Variants in GABRB1 observed in about 807,000 individuals in gnomAD.
GABRB1 encodes the protein gamma-aminobutyric acid receptor subunit beta-1.
A neutral mutation model predicts 51.6 loss-of-function variants in GABRB1; 17 were observed. The observed-to-expected ratio is 0.33, with a 90% CI of 0.23 to 0.49. GABRB1 has a LOEUF of 0.49. Among genes scored for constraint, GABRB1 ranks in the 20% least tolerant of loss-of-function variants. GABRB1 has a pLI of 0.99. For missense variants in GABRB1, 410 were observed against 600.6 expected, an observed-to-expected ratio of 0.68 and a Z score of 3.32; for synonymous variants, 247 against 218.9, an observed-to-expected ratio of 1.13 and a Z score of -1.14.
intron 4 of GABRB1, among the ~76,000 whole-genome samples, chr4:47,226,962 A>C (rs1720964187): frequency 6.6e-6 from 1 of 152,226 alleles, no homozygotes; most frequent in South Asian, 2.1e-4. Context: ...TGTCATAAAA[A>C]TATTGAGGCA....
At chr4:47,394,725 A>G (rs1308926907) in intron 5 of GABRB1, among the ~76,000 whole-genome samples, 1 of 151,580 alleles carries the variant, frequency 6.6e-6, no homozygotes, top group Non-Finnish European at 1.5e-5. Flanking sequence ...GGCATTTTTC[A>G]TCACATTAAA....
At position 47,425,702 on chromosome 4, in the gene GABRB1, G is replaced by A. The variant is rs750124014; in HGVS notation, c.1109G>A (p.Ser370Asn). ...QVDAHGNILL[S>N]TLEIRNETSG... ...GACGCCCACGGTAACATTCTCCTCA[G>A]CACCCTGGAAATCCGGAATGAGACG... The change falls in exon 9 of 9, where the codon AGC becomes AAC. Residue 370 changes from serine to asparagine, a missense_variant. This residue lies in a region of GABRB1 where 181 missense variants were observed against 195.6 expected (regional missense o/e 0.93). Transcript: ENST00000295454. The A allele has an allele frequency of 4.3e-6, 7 of 1,612,746 alleles. No individual in the cohort carries two copies. In the South Asian group the frequency reaches 6.6e-5, roughly 15 times the overall value.
chr4:47,031,390 C>A, upstream of GABRB1: 1 of 522,030 alleles, frequency 1.9e-6, no homozygotes, highest in Non-Finnish European at 3.4e-6. Context: ...TTTACACATG[C>A]TCGTAGGATC....
At chr4:47,190,947 A>T (rs530313109) in intron 4 of GABRB1, among the ~76,000 whole-genome samples, 2 of 152,176 alleles carry the variant, frequency 1.3e-5, no homozygotes, top group East Asian at 3.9e-4. Flanking sequence ...TAACTTGTAC[A>T]TGTAATTTTT....
intron 5 of GABRB1, among the ~76,000 whole-genome samples, chr4:47,347,082 G>A (rs2109993490): frequency 1.3e-5 from 2 of 152,150 alleles, no homozygotes; most frequent in Admixed American, 1.3e-4. Context: ...AGGAGTTCGT[G>A]ACCAGCCTGG....
intron 1 of GABRB1, among the ~76,000 whole-genome samples, chr4:47,018,423 A>G (rs957275323): frequency 6.6e-6 from 1 of 152,196 alleles, no homozygotes; most frequent in African/African-American, 2.4e-5. Context: ...TCTGCTTCTT[A>G]GTAGTAAGAC....
chr4:47,223,085 C>G (rs964027024), intron 4 of GABRB1, among the ~76,000 whole-genome samples: 1 of 152,040 alleles, frequency 6.6e-6, no homozygotes, highest in South Asian at 2.1e-4. Flanking sequence ...TACCACCTAC[C>G]GGGAACATTT....
At chr4:47,412,471 A>G (rs1728789720) in intron 8 of GABRB1, among the ~76,000 whole-genome samples, 2 of 152,168 alleles carry the variant, frequency 1.3e-5, no homozygotes, top group African/African-American at 4.8e-5. Flanking sequence ...TATCATTTTT[A>G]TTTTCAAAAA....
In GABRB1 at chr4:47,167,700, C is replaced by T. The variant is rs534825487; in HGVS notation, c.461+6231C>T. On this transcript the variant is annotated intron_variant, in intron 4 of 8. Transcript: ENST00000295454. Reference sequence around the variant, plus strand: ...CTAGGTCATAAGGGCTCCATCCTTGCAAATGGACTAAAGCTTTTCATGGGA... The same window carrying T: ...CTAGGTCATAAGGGCTCCATCCTTGTAAATGGACTAAAGCTTTTCATGGGA... Among the ~76,000 whole-genome samples, 6 of 152,232 alleles carry T rather than the reference C, an allele frequency of 3.9e-5. No individual in the cohort carries two copies. In the South Asian group the frequency reaches 6.2e-4, roughly 16 times the overall value.
At chr4:47,074,482 T>C (rs1727468858) in intron 3 of GABRB1, among the ~76,000 whole-genome samples, 1 of 152,202 alleles carries the variant, frequency 6.6e-6, no homozygotes, top group African/African-American at 2.4e-5. Flanking sequence ...GACATTTTAA[T>C]CTATAAAATG....
intron 1 of GABRB1, among the ~76,000 whole-genome samples, chr4:47,016,547 T>C (rs1193516577): frequency 1.3e-4 from 20 of 151,828 alleles, no homozygotes; most frequent in Admixed American, 1.3e-3. Context: ...TGACAAAATT[T>C]CTATCTGTGC....
At chr4:47,147,626 C>T (rs918980160) in intron 3 of GABRB1, among the ~76,000 whole-genome samples, 6 of 152,208 alleles carry the variant, frequency 3.9e-5, no homozygotes, top group East Asian at 1.9e-4. Flanking sequence ...GGGAGCACGT[C>T]GGAAGGGCCA....
At chr4:47,165,838 G>A (rs1459967346) in intron 4 of GABRB1, among the ~76,000 whole-genome samples, 4 of 151,966 alleles carry the variant, frequency 2.6e-5, no homozygotes, top group Admixed American at 6.6e-5. Flanking sequence ...AAACTGGGCC[G>A]TCCTCCTTTC....
chr4:47,359,668 T>A (rs1274334658), intron 5 of GABRB1, among the ~76,000 whole-genome samples: 2 of 152,142 alleles, frequency 1.3e-5, no homozygotes, highest in African/African-American at 4.8e-5. Flanking sequence ...TTCAATCCTT[T>A]ACTGTTTACT....
chr4:47,119,335 G>T (rs1166563919), intron 3 of GABRB1, among the ~76,000 whole-genome samples: 2 of 151,808 alleles, frequency 1.3e-5, no homozygotes, highest in African/African-American at 4.8e-5. Context: ...GAAAATAGGG[G>T]CAAATTTATG....
chr4:47,359,845 T>C (rs1462100589), intron 5 of GABRB1, among the ~76,000 whole-genome samples: 1 of 152,072 alleles, frequency 6.6e-6, no homozygotes, highest in Non-Finnish European at 1.5e-5. Context: ...GTCAAAAGAC[T>C]CTAACATGAA....
chr4:47,336,520 C>T (rs184628011), intron 5 of GABRB1, among the ~76,000 whole-genome samples: 45 of 152,274 alleles, frequency 3.0e-4, no homozygotes, highest in African/African-American at 7.7e-4. Context: ...GTGGCAATAG[C>T]TAACTTGCCT....
chr4:47,040,416 C>A (rs1205445927), intron 3 of GABRB1, among the ~76,000 whole-genome samples: 1 of 151,982 alleles, frequency 6.6e-6, no homozygotes, highest in Non-Finnish European at 1.5e-5. Context: ...TATTCAGAAG[C>A]AAATCAGAGG....
intron 8 of GABRB1, among the ~76,000 whole-genome samples, chr4:47,409,206 C>T (rs774874023): frequency 2.6e-5 from 4 of 152,166 alleles, no homozygotes; most frequent in Non-Finnish European, 5.9e-5. Flanking sequence ...TGTTACAGTG[C>T]TCCTTTAGCT....
Sources: allele counts gnomAD v4.1 joint callset (sites outside exome capture counted in the v4.1 genomes callset), GRCh38; gene constraint gnomAD v4.1.1; regional missense constraint gnomAD v4.1.1; transcripts MANE v1.5; gene names NCBI Gene and HGNC (gene_info 2026-07-23, HGNC 2026-07-21).